The following RBFOX1 variants were observed in gnomAD, a reference collection of about 807,000 sequenced individuals.
RBFOX1 encodes RNA binding protein fox-1 homolog 1.
Under a neutral mutation model 57.7 loss-of-function variants are expected in RBFOX1, and 8 were observed. That is an observed-to-expected ratio of 0.14 (90% CI 0.08 to 0.25). RBFOX1 has a LOEUF of 0.25. Among genes scored for constraint, RBFOX1 ranks in the 10% least tolerant of loss-of-function variants. RBFOX1 has a pLI of 1.00. For synonymous variants in RBFOX1, 326 were observed against 222.4 expected, an observed-to-expected ratio of 1.47 and a Z score of -4.15; for missense variants, 611 against 548.5, an observed-to-expected ratio of 1.11 and a Z score of -1.14.
chr16:7,449,726 GTGT>G (rs1264306150), intron 4 of RBFOX1, among the ~76,000 whole-genome samples: 28 of 95,954 alleles, frequency 2.9e-4, no homozygotes, highest in African/African-American at 5.8e-4. Flanking sequence ...GTGTGTGTGT[GTGT>G]GGGGGGGGGG....
At chr16:7,365,473 G>A (rs1459059450) in intron 4 of RBFOX1, among the ~76,000 whole-genome samples, 1 of 152,194 alleles carries the variant, frequency 6.6e-6, no homozygotes, top group Non-Finnish European at 1.5e-5. Context: ...TGATTCTCAA[G>A]AAGGAGTGAT....
chr16:6,733,990 C>T (rs1347905350), intron 3 of RBFOX1, among the ~76,000 whole-genome samples: 1 of 152,170 alleles, frequency 6.6e-6, no homozygotes, highest in African/African-American at 2.4e-5. Flanking sequence ...TTATAGGACA[C>T]AGTGTTCAGT....
chr16:5,985,117 C>G (rs915187926), intron 4 of RBFOX1, among the ~76,000 whole-genome samples: 7 of 150,748 alleles, frequency 4.6e-5, no homozygotes, highest in African/African-American at 1.7e-4. Flanking sequence ...TCCTGAGTAG[C>G]CAGGACTACA....
chr16:7,006,879 C>G (rs2093336539), intron 3 of RBFOX1, among the ~76,000 whole-genome samples: 2 of 152,230 alleles, frequency 1.3e-5, no homozygotes, highest in African/African-American at 4.8e-5. Flanking sequence ...CTGTCTGAGC[C>G]TTTGTTCTGC....
intron 3 of RBFOX1, among the ~76,000 whole-genome samples, chr16:6,954,934 C>G (rs989786843): frequency 6.6e-6 from 1 of 151,910 alleles, no homozygotes; most frequent in African/African-American, 2.4e-5. Flanking sequence ...TTTTAGGCAT[C>G]AAATTTAATA....
chr16:6,863,724 G>GTTTTTTTTT, intron 3 of RBFOX1, among the ~76,000 whole-genome samples: 1 of 32,156 alleles, frequency 3.1e-5, no homozygotes, highest in East Asian at 1.5e-3. Flanking sequence ...GGATGCCTGC[G>GTTTTTTTTT]CTTTTTTTTT....
At chr16:7,425,293 C>G (rs1401372825) in intron 4 of RBFOX1, among the ~76,000 whole-genome samples, 1 of 152,160 alleles carries the variant, frequency 6.6e-6, no homozygotes, top group East Asian at 1.9e-4. Flanking sequence ...TTCACTATGA[C>G]TTCTTATAAA....
chr16:5,989,811 T>A lies in RBFOX1; in HGVS notation c.351+122476T>A, dbSNP rs551299251. On this transcript the variant is annotated intron_variant, in intron 4 of 19. Transcript: ENST00000641259. ...TAGAGGTTGACACCCACCGAACTCT[T>A]TATAAGAAATGAGAGACTAGTAACA... Among the ~76,000 whole-genome samples, 8 of 133,796 alleles carry A rather than the reference T, an allele frequency of 6.0e-5. No homozygotes were observed. In the East Asian group the frequency reaches 1.7e-3, roughly 28 times the overall value. 87.8% of individuals were successfully genotyped at this position (133,796 alleles called of 152,430 possible).
rs191837372 is a variant in RBFOX1 at position 5,250,085 on chromosome 16, T to C, written c.219+9980T>C. ...AGGAGGTTGCAGTGAGCCGAGATTG[T>C]GTCCCTGGACTCCAGCCTGGGCAAT... On this transcript the variant is annotated intron_variant, in intron 1 of 2. Transcript: ENST00000585867. Among the ~76,000 whole-genome samples the C allele has an allele frequency of 5.3e-5, 8 of 151,670 alleles. No homozygotes were observed. In the East Asian group the frequency reaches 1.6e-3, roughly 30 times the overall value.
At chr16:7,494,636 C>G (rs778471148) in intron 4 of RBFOX1, among the ~76,000 whole-genome samples, 2 of 152,100 alleles carry the variant, frequency 1.3e-5, no homozygotes, top group Admixed American at 6.6e-5. Flanking sequence ...GTTTTTATCT[C>G]TCTTATGACA....
intron 10 of RBFOX1, among the ~76,000 whole-genome samples, chr16:7,618,941 C>G (rs1177124548): frequency 6.6e-6 from 1 of 152,178 alleles, no homozygotes; most frequent in Non-Finnish European, 1.5e-5. Flanking sequence ...AATTCCGCAT[C>G]TGCATTAGCT....
intron 3 of RBFOX1, among the ~76,000 whole-genome samples, chr16:5,734,660 C>G (rs1555512274): frequency 6.6e-6 from 1 of 152,174 alleles, no homozygotes; most frequent in Non-Finnish European, 1.5e-5. Flanking sequence ...TGTCGCCTTC[C>G]TCTTTGGTGC....
At chr16:6,893,858 G>T (rs1452017966) in intron 3 of RBFOX1, among the ~76,000 whole-genome samples, 4 of 152,148 alleles carry the variant, frequency 2.6e-5, no homozygotes, top group East Asian at 3.9e-4. Context: ...GGAATGAATT[G>T]TATGGGGAAT....
intron 3 of RBFOX1, among the ~76,000 whole-genome samples, chr16:6,962,220 G>C (rs1243119311): frequency 6.6e-6 from 1 of 151,976 alleles, no homozygotes; most frequent in Non-Finnish European, 1.5e-5. Flanking sequence ...TTTGCACATG[G>C]CCTTCTTTCC....
intron 5 of RBFOX1, among the ~76,000 whole-genome samples, chr16:7,569,655 T>C (rs2092565911): frequency 6.6e-6 from 1 of 152,178 alleles, no homozygotes; most frequent in African/African-American, 2.4e-5. Flanking sequence ...AAGGGGTCAT[T>C]ATGTTGTTTT....
chr16:5,659,252 A>G (rs532064775), intron 3 of RBFOX1, among the ~76,000 whole-genome samples: 1 of 148,250 alleles, frequency 6.7e-6, no homozygotes, highest in South Asian at 2.2e-4. Context: ...CATTTCCCTG[A>G]TGATTACTGA....
chr16:5,282,052 C>G (rs879092616), intron 1 of RBFOX1, among the ~76,000 whole-genome samples: 1 of 152,028 alleles, frequency 6.6e-6, no homozygotes, highest in Non-Finnish European at 1.5e-5. Flanking sequence ...TGGGAGGGAC[C>G]CAGTGGGACG....
At chr16:7,003,458 TAAAAA>T (rs71147633) in intron 3 of RBFOX1, among the ~76,000 whole-genome samples, 2 of 143,576 alleles carry the variant, frequency 1.4e-5, no homozygotes, top group Non-Finnish European at 3.0e-5. Context: ...GACTCCATCT[TAAAAA>T]AAAAAAAAGA....
At chr16:7,617,786 G>A (rs2191131) in intron 10 of RBFOX1, among the ~76,000 whole-genome samples, 97,333 of 151,408 alleles carry the variant, frequency 0.64, 31,996 homozygotes, top group East Asian at 0.85. Flanking sequence ...AAAACAAACT[G>A]TCAATGCGGG....
Sources: gnomAD v4.1 joint callset for allele counts (sites outside exome capture counted in the v4.1 genomes callset) on GRCh38, gnomAD v4.1.1 for gene constraint, MANE v1.5 for transcripts, NCBI Gene and HGNC (gene_info 2026-07-23, HGNC 2026-07-21) for gene names.